CLCNKA: variants seen among roughly 807,000 people sequenced by gnomAD.
CLCNKA encodes the protein chloride channel protein ClC-Ka.
In CLCNKA, 66 loss-of-function variants were observed where a neutral mutation model predicts 83.3. The ratio of observed to expected loss-of-function variants is 0.79; its 90% confidence interval spans 0.65 to 0.97. CLCNKA has a LOEUF of 0.97. CLCNKA is among the 50% of genes least tolerant of loss of function. The probability of loss-of-function intolerance (pLI) is 0.00; values close to 1 mark genes in which losing one functional copy is unlikely to be tolerated. For synonymous variants in CLCNKA, 357 were observed against 370.4 expected (o/e 0.96, Z 0.42); for missense variants, 806 against 888.7 (o/e 0.91, Z 1.18).
rs749533261 is a variant in CLCNKA at position 16,032,251 on chromosome 1, C to T, written c.1805C>T (p.Ala602Val). Residue 602 changes from alanine (A) to valine (V), a missense_variant, in exon 17 of 20, where the codon GCC becomes GTC. Coordinates refer to ENST00000331433, the MANE Select transcript of CLCNKA (RefSeq NM_004070.4). ...GTGCAGAGGGCCCAGCTGGTGCAGG[C>T]CCTCCAGGCTGAGCCTCCTTCCAGG... is the stretch of plus-strand genomic sequence containing the variant. ...GIVQRAQLVQ[A>V]LQAEPPSRAP... 3.7e-6 allele frequency: 6 copies of T among 1,612,400 alleles called. No homozygotes were observed. Among genetic ancestry groups the T allele is most frequent in the South Asian group, 1.1e-5 (1 of 91,074 alleles).
intron 12 of CLCNKA, 125 bp downstream of exon 12, chr1:16,029,424 C>A: frequency 7.0e-7 from 1 of 1,433,712 alleles, no homozygotes; most frequent in Non-Finnish European, 9.6e-7. Context: ...CTTCTGTGCC[C>A]CCTGCCCACT....
intron 3 of CLCNKA, among the ~76,000 whole-genome samples, chr1:16,024,308 G>A (rs891602803): frequency 2.0e-5 from 3 of 152,234 alleles, no homozygotes; most frequent in African/African-American, 7.2e-5. Flanking sequence ...TCCACCCTGA[G>A]GCCTCCCTGG....
At chr1:16,026,274 G>GCCACCCCCCCCCCCCCACC (rs2124029775) in intron 5 of CLCNKA, 27 bp downstream of exon 5, 2 of 1,611,682 alleles carry the variant, frequency 1.2e-6, no homozygotes, top group East Asian at 2.2e-5. Flanking sequence ...GGGCACCCCA[G>GCCACCCCCCCCCCCCCACC]CCACCCCGCC....
In CLCNKA at chr1:16,033,225, G is replaced by A; in HGVS notation, c.1985G>A (p.Gly662Asp). 7 of 1,614,162 alleles carry A rather than the reference G, an allele frequency of 4.3e-6. No individual in the cohort carries two copies. Among genetic ancestry groups the A allele is most frequent in the Middle Eastern group, 1.7e-4 (1 of 6,060 alleles). ...CAGTCCCTCTTCGTGACATCGCGGG[G>A]CAGAGCTGTGGGCTGCGTGTCCTGG... ...NLQSLFVTSRGRAVGCVSWVE... is the reference protein window; with the variant it reads ...NLQSLFVTSRDRAVGCVSWVE... Residue 662 changes from glycine (G) to aspartate (D), a missense_variant, in exon 19 of 20, where the codon GGC (glycine) becomes GAC (aspartate). Coordinates refer to ENST00000331433, the MANE Select transcript of CLCNKA (RefSeq NM_004070.4).
Position 16,024,775 on chromosome 1 carries a change from T to G in CLCNKA, c.242T>G (p.Leu81Arg). ...IGCVVRAHQW[L>R]YREIGDSHLL... is the part of the protein sequence containing the mutation. ...CGGCTGTCCCCAGCACACCAGTGGCTGTACAGGGAGATTGGGGACAGCCAC... is the reference window on the plus strand; with the variant it reads ...CGGCTGTCCCCAGCACACCAGTGGCGGTACAGGGAGATTGGGGACAGCCAC... The change falls in exon 4 of 20, where the codon CTG becomes CGG. Residue 81 changes from leucine to arginine, a missense_variant. Physicochemically the swap from Leu to Arg is moderately radical, Grantham distance 102 (BLOSUM62 -2). Coordinates refer to ENST00000331433, the MANE Select transcript of CLCNKA (RefSeq NM_004070.4). 6.2e-7 allele frequency: 1 copy of G among 1,614,082 alleles called. No homozygotes were observed. Among genetic ancestry groups the G allele is most frequent in the Non-Finnish European group, 8.5e-7 (1 of 1,180,022 alleles).
intron 8 of CLCNKA, 24 bp from the exon 9 acceptor site, chr1:16,027,797 C>T: frequency 1.3e-6 from 2 of 1,595,454 alleles, no homozygotes; most frequent in South Asian, 1.1e-5. Flanking sequence ...GCCATCTTGG[C>T]TCCCCACTGC....
At chr1:16,029,445 G>C in intron 12 of CLCNKA, 146 bp downstream of exon 12, 1 of 1,303,716 alleles carries the variant, frequency 7.7e-7, no homozygotes, top group Non-Finnish European at 1.1e-6. Context: ...GCATGGTCCT[G>C]GATAAGTGGC....
intron 15 of CLCNKA, 50 bp from the exon 16 acceptor site, chr1:16,031,660 G>T (rs1242360683): frequency 6.2e-7 from 1 of 1,612,942 alleles, no homozygotes; most frequent in Non-Finnish European, 8.5e-7. Context: ...TGCTGGCCTG[G>T]GTCTGACATC....
Position 16,033,208 on chromosome 1 carries a change from C to T in CLCNKA, c.1968C>T (p.Leu656=), listed in dbSNP as rs756130179. ...NLFKLLNLQS[L]FVTSRGRAVG... ...TTAAGCTGTTGAACCTTCAGTCCCT[C>T]TTCGTGACATCGCGGGGCAGAGCTG... Residue 656 remains leucine (L), a synonymous_variant, in exon 19 of 20, where the codon CTC becomes CTT. Coordinates refer to ENST00000331433, the MANE Select transcript of CLCNKA (RefSeq NM_004070.4). 6 of 1,614,066 alleles carry T rather than the reference C, an allele frequency of 3.7e-6. No individual in the cohort carries two copies. The highest frequency in any genetic ancestry group is 5.1e-6 in the Non-Finnish European group (6 of 1,180,032).
intron 4 of CLCNKA, among the ~76,000 whole-genome samples, chr1:16,025,518 A>G (rs769480541): frequency 9.9e-5 from 15 of 152,026 alleles, no homozygotes; most frequent in Non-Finnish European, 2.1e-4. Flanking sequence ...ATAAAAAACA[A>G]CCACCACAAC....
intron 4 of CLCNKA, 96 bp from the exon 5 acceptor site, chr1:16,026,012 C>A: frequency 6.4e-7 from 1 of 1,563,288 alleles, no homozygotes; most frequent in Non-Finnish European, 8.8e-7. Context: ...CCTCGGCCTC[C>A]CAAAGTGCTG....
At chr1:16,033,476 C>A (rs1355962697) in intron 19 of CLCNKA, 135 bp from the exon 20 acceptor site, 15 of 935,778 alleles carry the variant, frequency 1.6e-5, no homozygotes, top group Non-Finnish European at 2.5e-5. Flanking sequence ...CCTCAGTGAT[C>A]CCATCTGTGC....
chr1:16,029,641 G>A, intron 12 of CLCNKA, 90 bp from the exon 13 acceptor site: 1 of 1,518,628 alleles, frequency 6.6e-7, no homozygotes, highest in Non-Finnish European at 9.1e-7. Flanking sequence ...TTTCTATCTA[G>A]GACACTCCCC....
intron 18 of CLCNKA, 101 bp from the exon 19 acceptor site, chr1:16,033,068 AG>A: frequency 8.1e-7 from 1 of 1,241,142 alleles, no homozygotes; most frequent in Non-Finnish European, 1.2e-6. Flanking sequence ...CACACATATC[AG>A]GCCCCGCCCC....
intron 1 of CLCNKA, 41 bp from the exon 2 acceptor site, chr1:16,022,572 C>T (rs1185565000): frequency 6.9e-7 from 1 of 1,454,890 alleles, no homozygotes; most frequent in Admixed American, 2.1e-5. Flanking sequence ...CGAGGACGTG[C>T]AGCAGCTCAC....
At chr1:16,032,998 G>C (rs574365548) in intron 18 of CLCNKA, among the ~76,000 whole-genome samples, 172 bp from the exon 19 acceptor site, 1 of 152,256 alleles carries the variant, frequency 6.6e-6, no homozygotes, top group East Asian at 1.9e-4. Flanking sequence ...ACCCTTGAGT[G>C]GCCTCTGGCA....
At chr1:16,029,837 G>A in intron 13 of CLCNKA, 37 bp downstream of exon 13, 1 of 1,613,562 alleles carries the variant, frequency 6.2e-7, no homozygotes, top group Non-Finnish European at 8.5e-7. Flanking sequence ...GAGTTTTGGG[G>A]TTCTTGGGGC....
Position 16,027,310 on chromosome 1 carries a change from G to C in CLCNKA, c.656G>C (p.Gly219Ala). The C allele has an allele frequency of 6.2e-7, 1 of 1,613,126 alleles. No individual in the cohort carries two copies. The highest frequency in any genetic ancestry group is 8.5e-7 in the Non-Finnish European group (1 of 1,179,988). ...CACCTGACATCAGTGTCGCCCCCAG[G>C]CGTCCTGTTCAGCATCGAGGTCATG... ...VATVFAAPFS[G>A]VLFSIEVMSS... The change falls in exon 8 of 20, where the codon GGC (glycine) becomes GCC (alanine). Residue 219 changes from glycine to alanine, a missense_variant and splice_region_variant. Transcript: ENST00000331433.
intron 2 of CLCNKA, among the ~76,000 whole-genome samples, chr1:16,023,011 G>T (rs1313480795): frequency 1.3e-5 from 2 of 152,366 alleles, no homozygotes; most frequent in East Asian, 3.9e-4. Context: ...CCAATGAGGG[G>T]ACGTGGGGGT....
Sources: gnomAD v4.1 joint callset for allele counts (sites outside exome capture counted in the v4.1 genomes callset) on GRCh38, gnomAD v4.1.1 for gene constraint, MANE v1.5 for transcripts, NCBI Gene and HGNC (gene_info 2026-07-23, HGNC 2026-07-21) for gene names.